HYAL4: variants seen among roughly 807,000 people sequenced by gnomAD.
HYAL4 encodes hyaluronidase-4.
A neutral mutation model predicts 35.2 loss-of-function variants in HYAL4; 37 were observed. That is an observed-to-expected ratio of 1.05 (90% CI 0.81 to 1.38). HYAL4 has a LOEUF of 1.38. HYAL4 is among the 40% of genes most tolerant of loss of function. The probability of loss-of-function intolerance (pLI) is 0.00; values close to 1 mark genes in which losing one functional copy is unlikely to be tolerated. For synonymous variants in HYAL4, 198 were observed against 203.2 expected (o/e 0.97, Z 0.22); for missense variants, 572 against 572.4 (o/e 1.00, Z 0.01).
chr7:123,811,317 G>T, the HYAL4 span, among the ~76,000 whole-genome samples: 50 of 152,322 alleles, frequency 3.3e-4, no homozygotes, highest in African/African-American at 1.2e-3. Context: ...GGCAATGTAT[G>T]AGAGTTTCCT....
At chr7:123,768,292 A>G in the HYAL4 span, among the ~76,000 whole-genome samples, 1 of 152,218 alleles carries the variant, frequency 6.6e-6, no homozygotes, top group Non-Finnish European at 1.5e-5. Context: ...TTCGATCTCA[A>G]TAATGTAAGC....
chr7:123,769,054 A>G, the HYAL4 span, among the ~76,000 whole-genome samples: 1 of 152,248 alleles, frequency 6.6e-6, no homozygotes, highest in African/African-American at 2.4e-5. Flanking sequence ...ATCTACCAAT[A>G]CTGAAGTAGA....
Position 123,876,841 on chromosome 7 carries a change from C to G in HYAL4, c.1132C>G (p.Leu378Val), listed in dbSNP as rs1350835339. Reference protein sequence around the residue: ...NVTRAAEVCSLHLCRNNGRCI... With the variant: ...NVTRAAEVCSVHLCRNNGRCI... Reference sequence around the variant, plus strand: ...GACCAGAGCTGCTGAGGTATGCAGCCTTCACCTCTGCAGGAACAATGGCAG... The same window carrying G: ...GACCAGAGCTGCTGAGGTATGCAGCGTTCACCTCTGCAGGAACAATGGCAG... The change falls in exon 5 of 5, where the codon CTT becomes GTT. Residue 378 changes from leucine to valine, a missense_variant. By Grantham distance (32) the Leu-to-Val change is conservative. Transcript: ENST00000223026. 1.2e-6 allele frequency: 2 copies of G among 1,614,146 alleles called. No homozygotes were observed. The highest frequency in any genetic ancestry group is 4.5e-5 in the East Asian group (2 of 44,880).
the HYAL4 span, among the ~76,000 whole-genome samples, chr7:123,787,955 G>GATA: frequency 6.6e-6 from 1 of 152,168 alleles, no homozygotes; most frequent in East Asian, 1.9e-4. Context: ...GGGTCTTGAG[G>GATA]ATAAGAGCTT....
intron 1 of HYAL4, among the ~76,000 whole-genome samples, chr7:123,834,974 C>T (rs1283805104): frequency 6.6e-6 from 1 of 151,948 alleles, no homozygotes; most frequent in African/African-American, 2.4e-5. Context: ...TTGTTGGGTT[C>T]AGTTAACTAG....
At chr7:123,870,911 G>A (rs1251977702) in intron 3 of HYAL4, among the ~76,000 whole-genome samples, 1 of 151,988 alleles carries the variant, frequency 6.6e-6, no homozygotes, top group Non-Finnish European at 1.5e-5. Context: ...ATAATAAATT[G>A]ACTTTTGGAA....
At chr7:123,777,459 G>C in the HYAL4 span, among the ~76,000 whole-genome samples, 1 of 152,012 alleles carries the variant, frequency 6.6e-6, no homozygotes, top group African/African-American at 2.4e-5. Context: ...CATGTGGCTT[G>C]CATTATACTT....
the HYAL4 span, among the ~76,000 whole-genome samples, chr7:123,777,383 CTA>C: frequency 6.6e-6 from 1 of 151,910 alleles, no homozygotes; most frequent in African/African-American, 2.4e-5. Context: ...AAACATATAA[CTA>C]AAATTATTCA....
upstream of HYAL4, among the ~76,000 whole-genome samples, chr7:123,827,391 T>C (rs928715419): frequency 6.6e-6 from 1 of 152,178 alleles, no homozygotes; most frequent in African/African-American, 2.4e-5. Context: ...CTGTGTTGTC[T>C]TCATTTGACT....
upstream of HYAL4, among the ~76,000 whole-genome samples, chr7:123,827,601 T>C (rs145792857): frequency 6.6e-6 from 1 of 152,178 alleles, no homozygotes. Context: ...CTAAACATAG[T>C]ATGAGACTGC....
At chr7:123,800,954 C>G in the HYAL4 span, among the ~76,000 whole-genome samples, 4 of 152,162 alleles carry the variant, frequency 2.6e-5, no homozygotes, top group Admixed American at 6.5e-5. Context: ...AACCACTGTG[C>G]CCAGCCTCAG....
chr7:123,864,193 C>T (rs144735697), intron 2 of HYAL4, among the ~76,000 whole-genome samples: 1 of 152,258 alleles, frequency 6.6e-6, no homozygotes, highest in Admixed American at 6.5e-5. Flanking sequence ...GAGGAGGGGT[C>T]AGGAGAAAGC....
chr7:123,874,972 C>G (rs1272963184), intron 4 of HYAL4, 122 bp downstream of exon 4: 1 of 639,332 alleles, frequency 1.6e-6, no homozygotes, highest in East Asian at 2.7e-5. Flanking sequence ...AAATCAGTGC[C>G]TGATACATAG....
In HYAL4 at chr7:123,874,848, A is replaced by G. The variant is rs1345132407; in HGVS notation, c.1042A>G (p.Lys348Glu). The part of the protein sequence containing the change: ...IWGDMNLTAS[K>E]ANCTKVKQFV... ...GGGAGACATGAATTTAACTGCATCC[A>G]AGGTAAGTCAGTATCTTGAAGGTAT... Residue 348 changes from lysine (K) to glutamate (E), a missense_variant and splice_region_variant, in exon 4 of 5, where the codon AAG (lysine) becomes GAG (glutamate). Lys to Glu is a moderately conservative substitution (Grantham distance 56). Coordinates refer to ENST00000223026, the MANE Select transcript of HYAL4 (RefSeq NM_012269.3). The G allele has an allele frequency of 2.6e-6, 4 of 1,532,188 alleles. No individual in the cohort carries two copies. The highest frequency in any genetic ancestry group is 3.6e-6 in the Non-Finnish European group (4 of 1,105,048). The allele number at this position is 1,532,188 out of a possible 1,614,324, so 94.9% of individuals were successfully genotyped here.
At chr7:123,839,762 T>G (rs1806023196) in intron 1 of HYAL4, among the ~76,000 whole-genome samples, 2 of 152,256 alleles carry the variant, frequency 1.3e-5, no homozygotes, top group South Asian at 4.1e-4. Context: ...TTCATGTGTC[T>G]GATGGCTGCA....
At chr7:123,842,011 A>C (rs1328970558), upstream of HYAL4, among the ~76,000 whole-genome samples, 1 of 151,502 alleles carries the variant, frequency 6.6e-6, no homozygotes, top group Non-Finnish European at 1.5e-5. Context: ...TTCTGCTCTG[A>C]TCTTAGTTAT....
chr7:123,857,736 T>A (rs1369282590), intron 2 of HYAL4, among the ~76,000 whole-genome samples: 1 of 150,956 alleles, frequency 6.6e-6, no homozygotes, highest in Non-Finnish European at 1.5e-5. Context: ...TTTCTTTCAA[T>A]AGAAACAAAA....
chr7:123,832,667 T>A (rs533401121), intron 1 of HYAL4, among the ~76,000 whole-genome samples: 115 of 151,262 alleles, frequency 7.6e-4, no homozygotes, highest in African/African-American at 2.7e-3. Flanking sequence ...GCCTGGCTAA[T>A]TTTTTTTGTA....
chr7:123,876,809 C>G lies in HYAL4; in HGVS notation c.1100C>G (p.Ala367Gly). 6.2e-7 allele frequency: 1 copy of G among 1,614,138 alleles called. No individual in the cohort carries two copies. The highest frequency in any genetic ancestry group is 1.3e-5 in the African/African-American group (1 of 75,038). ...AGTTCTGATTTAGGGAGCTACATAG[C>G]CAATGTGACCAGAGCTGCTGAGGTA... is the stretch of plus-strand genomic sequence containing the variant. ...FVSSDLGSYI[A>G]NVTRAAEVCS... The change falls in exon 5 of 5, where the codon GCC (alanine) becomes GGC (glycine). Residue 367 changes from alanine (A) to glycine (G), a missense_variant. Coordinates refer to ENST00000223026, the MANE Select transcript of HYAL4 (RefSeq NM_012269.3).
Sources: allele counts gnomAD v4.1 joint callset (sites outside exome capture counted in the v4.1 genomes callset), GRCh38; gene constraint gnomAD v4.1.1; transcripts MANE v1.5; gene names NCBI Gene and HGNC (gene_info 2026-07-23, HGNC 2026-07-21).